Variants in RGS11 observed in about 807,000 individuals in gnomAD.
The protein encoded by RGS11 is regulator of G protein signaling 11.
In RGS11, 86 loss-of-function variants were observed where a neutral mutation model predicts 71.1. The observed-to-expected ratio is 1.21, with a 90% CI of 1.02 to 1.45. The LOEUF is 1.45. Among genes scored for constraint, RGS11 ranks in the 40% most tolerant of loss-of-function variants. The pLI is 0.00. For synonymous variants in RGS11, 298 were observed against 254.2 expected (o/e 1.17, Z -1.64); for missense variants, 734 against 635.1 (o/e 1.16, Z -1.67).
chr16:274,689 C>A (rs1411245791), intron 4 of RGS11: 1 of 676,244 alleles, frequency 1.5e-6, no homozygotes, highest in Non-Finnish European at 2.7e-6. Flanking sequence ...CCTAGGGACC[C>A]CCAGGAAGAT....
intron 4 of RGS11, chr16:274,706 A>G (rs1028247976): frequency 7.3e-6 from 5 of 684,858 alleles, no homozygotes; most frequent in East Asian, 5.6e-5. Flanking sequence ...AGATGGCAGA[A>G]TCCTCTGCAC....
At chr16:275,667 AGGGCCGGGG>A in intron 1 of RGS11, 169 bp from the exon 2 acceptor site, 1 of 457,098 alleles carries the variant, frequency 2.2e-6, no homozygotes, top group Non-Finnish European at 3.3e-6. Context: ...AGGGCCGGGG[AGGGCCGGGG>A]AGACCCCGGA....
chr16:275,213 C>T (rs1233345166), intron 3 of RGS11, 70 bp downstream of exon 3: 1 of 1,607,572 alleles, frequency 6.2e-7, no homozygotes, highest in African/African-American at 1.3e-5. Flanking sequence ...AACTGCCAGA[C>T]TCCAGGAAAA....
Position 268,938 on chromosome 16 carries a change from C to T in RGS11, c.*331G>A. ...TACTGGTTTTAGAGATGGGGATGGG[C>T]ACCCAGTGCTGGACTGAAGACCAGA... is the stretch of plus-strand genomic sequence containing the variant. On this transcript the variant is annotated 3_prime_UTR_variant, in exon 17 of 17. Transcript: ENST00000397770. 1 of 1,550,400 alleles carries T rather than the reference C, an allele frequency of 6.4e-7. No individual in the cohort carries two copies. Among genetic ancestry groups the T allele is most frequent in the Non-Finnish European group, 8.7e-7 (1 of 1,146,858 alleles).
At chr16:271,984 G>A (rs191123397) in intron 9 of RGS11, 328 of 297,072 alleles carry the variant, frequency 1.1e-3, no homozygotes, top group African/African-American at 6.9e-3. Flanking sequence ...CTACAGGCAT[G>A]CGCCACCAAG....
Position 271,061 on chromosome 16 carries a change from C to A in RGS11, c.902G>T (p.Gly301Val), listed in dbSNP as rs752826915. ...CTCCAGGAGCTCCCGGAAGCTGAAGCCCCATCTCTCCACACGGAGCTTCGT... is the reference window on the plus strand; with the variant it reads ...CTCCAGGAGCTCCCGGAAGCTGAAGACCCATCTCTCCACACGGAGCTTCGT... ...APTKLRVERW[G>V]FSFRELLEDP... The change falls in exon 13 of 17, where the codon GGC (glycine) becomes GTC (valine). Residue 301 changes from glycine (G) to valine (V), a missense_variant. Coordinates refer to ENST00000397770, the MANE Select transcript of RGS11 (RefSeq NM_183337.3). The A allele has an allele frequency of 8.1e-6, 13 of 1,612,356 alleles. No homozygotes were observed. In the Admixed American group the frequency reaches 2.2e-4, roughly 27 times the overall value.
chr16:274,929 T>TGGGGGTGGGGGTCCCAC, intron 4 of RGS11, 47 bp downstream of exon 4: 1 of 487,828 alleles, frequency 2.0e-6, no homozygotes. Flanking sequence ...GCTGGGTGGG[T>TGGGGGTGGGGGTCCCAC]GGGGGTGGGG....
At position 274,057 on chromosome 16, in the gene RGS11, C is replaced by T; in HGVS notation, c.415G>A (p.Val139Met). The T allele has an allele frequency of 6.4e-7, 1 of 1,550,782 alleles. No individual in the cohort carries two copies. Among genetic ancestry groups the T allele is most frequent in the Non-Finnish European group, 8.7e-7 (1 of 1,147,104 alleles). ...KKNIRKRGTL[V>M]DYEKDCYDRL... is the part of the protein sequence containing the mutation. ...GGGGGTCCCACCTTCTCATAATCCA[C>T]CAGGGTCCCCCGTTTTCGGATGTTC... The change falls in exon 6 of 17, where the codon GTG (valine) becomes ATG (methionine). Residue 139 changes from valine to methionine, a missense_variant. Val to Met is a conservative substitution (Grantham distance 21). Coordinates refer to ENST00000397770, the MANE Select transcript of RGS11 (RefSeq NM_183337.3).
chr16:271,724 CTTCCAATCAGGGA>C, intron 9 of RGS11, 155 bp from the exon 10 acceptor site: 1 of 689,200 alleles, frequency 1.5e-6, no homozygotes, highest in Non-Finnish European at 2.5e-6. Flanking sequence ...GGAGCCCCTT[CTTCCAATCAGGGA>C]TCTTTCGAGG....
intron 7 of RGS11, 27 bp from the exon 8 acceptor site, chr16:273,583 C>T (rs1322851422): frequency 1.9e-6 from 3 of 1,546,880 alleles, no homozygotes; most frequent in African/African-American, 2.7e-5. Context: ...GAGTTGAGGG[C>T]ACGCCCTGCA....
intron 3 of RGS11, 59 bp downstream of exon 3, chr16:275,224 C>T: frequency 6.2e-7 from 1 of 1,609,590 alleles, no homozygotes. Context: ...TCCAGGAAAA[C>T]CCAGGCCTAG....
In RGS11 at chr16:271,087, G is replaced by A; in HGVS notation, c.876C>T (p.Pro292=). Residue 292 remains proline (P), a synonymous_variant, in exon 13 of 17, where the codon CCC becomes CCT. Coordinates refer to ENST00000397770, the MANE Select transcript of RGS11 (RefSeq NM_183337.3). The stretch of plus-strand genomic sequence containing the variant: ...CCCATCTCTCCACACGGAGCTTCGT[G>A]GGGGCAGCCACCCTGGGGAGAGGGC... ...WVMNAPTVAA[P]TKLRVERWGF... 1 of 1,611,996 alleles carries A rather than the reference G, an allele frequency of 6.2e-7. No individual in the cohort carries two copies. The highest frequency in any genetic ancestry group is 2.2e-5 in the East Asian group (1 of 44,838).
In RGS11 at chr16:271,149, G is replaced by A. The variant is rs111874035; in HGVS notation, c.864-50C>T. On this transcript the variant is annotated intron_variant, in intron 12 of 16. Coordinates refer to ENST00000397770, the MANE Select transcript of RGS11 (RefSeq NM_183337.3). Reference sequence around the variant, plus strand: ...GGAGGGTGGGGACTGACCCTCCTGCGTCCCCCCAGGCTGGGAGCACACCCG... The same window carrying A: ...GGAGGGTGGGGACTGACCCTCCTGCATCCCCCCAGGCTGGGAGCACACCCG... 1,602 of 1,603,006 alleles carry A rather than the reference G, an allele frequency of 1.0e-3. 14 individuals are homozygous for A. Among genetic ancestry groups the A allele is most frequent in the African/African-American group, 8.1e-3 (606 of 74,842 alleles).
chr16:274,049 A>C lies in RGS11; in HGVS notation c.423T>G (p.Tyr141Ter). The C allele has an allele frequency of 6.4e-7, 1 of 1,550,546 alleles. No homozygotes were observed. Among genetic ancestry groups the C allele is most frequent in the East Asian group, 2.4e-5 (1 of 40,900 alleles). ...GAAGGGTGGGGGGTCCCACCTTCTC[A>C]TAATCCACCAGGGTCCCCCGTTTTC... ...NIRKRGTLVD[Y>*]EKDCYDRLHK... The change falls in exon 6 of 17, where the codon TAT becomes TAG. Residue 141 changes from tyrosine (Y) to a stop codon, truncating the protein, a stop_gained. Coordinates refer to ENST00000397770, the MANE Select transcript of RGS11 (RefSeq NM_183337.3). LOFTEE classifies it high-confidence loss of function.
At position 275,058 on chromosome 16, in the gene RGS11, A is replaced by T; in HGVS notation, c.236T>A (p.Leu79Gln). The change falls in exon 4 of 17, where the codon CTG becomes CAG. Residue 79 changes from leucine to glutamine, a missense_variant. Coordinates refer to ENST00000397770, the MANE Select transcript of RGS11 (RefSeq NM_183337.3). ...CGGGTAGATGTAGCCATGCTGCACC[A>T]GGACGGCGCCCAGGTGCAGGGCCTC... The part of the protein sequence containing the change: ...EEEALHLGAV[L>Q]VQHGYIYPLR... 1 of 1,484,884 alleles carries T rather than the reference A, an allele frequency of 6.7e-7. No homozygotes were observed. Among genetic ancestry groups the T allele is most frequent in the South Asian group, 1.4e-5 (1 of 72,704 alleles). 92.0% of individuals were successfully genotyped at this position (1,484,884 alleles called of 1,614,324 possible). A position where few individuals can be genotyped will look rare whatever the true frequency, so the allele number is the denominator to read the frequency against.
chr16:273,215 CCCCG>C (rs2052015218), intron 8 of RGS11, among the ~76,000 whole-genome samples: 1 of 152,146 alleles, frequency 6.6e-6, no homozygotes, highest in African/African-American at 2.4e-5. Context: ...AGTCTGCAGT[CCCCG>C]CAATCTGGCA....
Position 268,650 on chromosome 16 carries a change from A to G in RGS11, c.*619T>C. The G allele has an allele frequency of 1.1e-6, 1 of 932,914 alleles. No individual in the cohort carries two copies. Among genetic ancestry groups the G allele is most frequent in the Non-Finnish European group, 1.6e-6 (1 of 618,966 alleles). The allele number at this position is 932,914 out of a possible 1,614,324, so 57.8% of individuals were successfully genotyped here. ...GGAGGCCGCGGCCTCGAGGTGGGAA[A>G]GCAGGTGCCGGCGCACCTGTGGACA... On this transcript the variant is annotated 3_prime_UTR_variant, in exon 17 of 17. Transcript: ENST00000397770.
In RGS11 at chr16:270,964, A is replaced by G. The variant is rs2051905472; in HGVS notation, c.979+20T>C. The G allele has an allele frequency of 6.3e-7, 1 of 1,587,528 alleles. No individual in the cohort carries two copies. The highest frequency in any genetic ancestry group is 1.1e-5 in the South Asian group (1 of 90,434). On this transcript the variant is annotated intron_variant, in intron 13 of 16. Transcript: ENST00000397770. The stretch of plus-strand genomic sequence containing the variant: ...GCAGCCTCCCCGCTGGGACTGGAGC[A>G]GGGGCTGGGGGGTTCTCACCACTGA...
At position 268,422 on chromosome 16, in the gene RGS11, T is replaced by A; in HGVS notation, c.*847A>T. The A allele has an allele frequency of 3.3e-6, 1 of 301,570 alleles. No individual in the cohort carries two copies. Among genetic ancestry groups the A allele is most frequent in the Non-Finnish European group, 6.3e-6 (1 of 158,408 alleles). 18.7% of individuals were successfully genotyped at this position (301,570 alleles called of 1,614,324 possible). ...TGGCACCGCCCTACCGCCGAGAGAG[T>A]TGAAGCTGCACCCCCGAAAGGAGCC... On this transcript the variant is annotated 3_prime_UTR_variant, in exon 17 of 17. Transcript: ENST00000397770.
Sources: allele counts gnomAD v4.1 joint callset (sites outside exome capture counted in the v4.1 genomes callset), GRCh38; gene constraint gnomAD v4.1.1; transcripts MANE v1.5; gene names NCBI Gene and HGNC (gene_info 2026-07-23, HGNC 2026-07-21).